The following ABCG5 variants were observed in gnomAD, a reference collection of about 807,000 sequenced individuals.
The protein encoded by ABCG5 is ATP binding cassette subfamily G member 5.
A neutral mutation model predicts 64.5 loss-of-function variants in ABCG5; 64 were observed. The observed-to-expected ratio is 0.99, with a 90% confidence interval of 0.81 to 1.22. The LOEUF is 1.22. ABCG5 is among the 50% of genes most tolerant of loss of function. The pLI is 0.00. For missense variants in ABCG5, 908 were observed against 829.5 expected (o/e 1.09, Z -1.16); for synonymous variants, 385 against 326.3 (o/e 1.18, Z -1.94).
intron 11 of ABCG5, among the ~76,000 whole-genome samples, chr2:43,816,675 C>T (rs935587641): frequency 6.6e-6 from 1 of 152,090 alleles, no homozygotes; most frequent in African/African-American, 2.4e-5. Context: ...TCCTGAGTAG[C>T]TGAAATTACA....
chr2:43,808,551 TC>T (rs1666356502), downstream of ABCG5, among the ~76,000 whole-genome samples: 1 of 152,210 alleles, frequency 6.6e-6, no homozygotes, highest in Non-Finnish European at 1.5e-5. Flanking sequence ...CCAAGAGGCA[TC>T]CCCTTAGATG....
chr2:43,826,318 C>A, intron 6 of ABCG5, 64 bp downstream of exon 6: 1 of 1,610,516 alleles, frequency 6.2e-7, no homozygotes, highest in Non-Finnish European at 8.5e-7. Flanking sequence ...AAATCTTGCC[C>A]CTGCCCCTGT....
Position 43,837,925 on chromosome 2 carries a change from T to C in ABCG5, c.174A>G (p.Thr58=), listed in dbSNP as rs755239992. 2 of 1,614,102 alleles carry C rather than the reference T, an allele frequency of 1.2e-6. No homozygotes were observed. The highest frequency in any genetic ancestry group is 2.2e-5 in the South Asian group (2 of 91,070). The change falls in exon 2 of 13, where the codon ACA becomes ACG. Residue 58 remains threonine, a synonymous_variant. Transcript: ENST00000405322. Reference sequence around the variant, plus strand: ...GCCTGGTCCACTGCTGCCGGCAAGATGTGATGTCCCACCAGGGCCTCACGC... The same window carrying C: ...GCCTGGTCCACTGCTGCCGGCAAGACGTGATGTCCCACCAGGGCCTCACGC... The part of the protein sequence containing the change: ...SHRVRPWWDI[T]SCRQQWTRQI...
chr2:43,827,535 C>T (rs4488709), intron 5 of ABCG5, among the ~76,000 whole-genome samples: 1 of 152,116 alleles, frequency 6.6e-6, no homozygotes, highest in African/African-American at 2.4e-5. Flanking sequence ...GGACTGACTA[C>T]TCTGTTTTGA....
chr2:43,833,886 G>A (rs1269985217), intron 2 of ABCG5, among the ~76,000 whole-genome samples: 4 of 151,932 alleles, frequency 2.6e-5, no homozygotes, highest in Non-Finnish European at 4.4e-5. Flanking sequence ...GTTTCACCAC[G>A]TTGGCCAGGC....
intron 2 of ABCG5, among the ~76,000 whole-genome samples, chr2:43,837,211 C>T (rs1668332559): frequency 6.6e-6 from 1 of 151,402 alleles, no homozygotes; most frequent in Admixed American, 6.6e-5. Flanking sequence ...TCTTAATCTC[C>T]TGGGCTCAAG....
chr2:43,826,185 A>G (rs527894857), intron 6 of ABCG5, among the ~76,000 whole-genome samples, 197 bp downstream of exon 6: 1 of 141,402 alleles, frequency 7.1e-6, no homozygotes, highest in African/African-American at 2.7e-5. Context: ...TTTTTTAGAG[A>G]TGGGGAGTCT....
chr2:43,838,505 G>C lies in ABCG5; in HGVS notation c.143+32C>G, dbSNP rs370315188. 1.8e-5 allele frequency: 28 copies of C among 1,576,900 alleles called. 1 individual carries two copies. The highest frequency in any genetic ancestry group is 1.5e-4 in the Admixed American group (8 of 54,924). On this transcript the variant is annotated intron_variant, in intron 1 of 12. Transcript: ENST00000405322. This position sits in a 1 kb window ranked among gnomAD's most constrained non-coding sequence, Gnocchi z 4.2. ...GTGAGCGCCGGGCCCCGCACTCCTG[G>C]GGGAGCAGCAGCAGCAAGGGCTCTG... is the stretch of plus-strand genomic sequence containing the variant.
chr2:43,824,784 C>A, intron 7 of ABCG5, 105 bp downstream of exon 7: 2 of 1,552,252 alleles, frequency 1.3e-6, no homozygotes, highest in Non-Finnish European at 1.8e-6. Flanking sequence ...AACACAAAAA[C>A]AAAAGCAAAA....
upstream of ABCG5, chr2:43,839,128 A>G (rs1323438298): frequency 1.3e-6 from 2 of 1,550,964 alleles, no homozygotes. Flanking sequence ...TGAGTGAGCA[A>G]TGGGAAGTCG....
At chr2:43,817,151 C>T (rs1217409039) in intron 11 of ABCG5, among the ~76,000 whole-genome samples, 3 of 152,182 alleles carry the variant, frequency 2.0e-5, no homozygotes, top group Admixed American at 6.5e-5. Flanking sequence ...TGCAACTAAT[C>T]TGAGAACATT....
chr2:43,833,711 G>A (rs1312770633), intron 2 of ABCG5, among the ~76,000 whole-genome samples: 3 of 151,132 alleles, frequency 2.0e-5, no homozygotes, highest in African/African-American at 7.3e-5. Context: ...TTGAGATGGA[G>A]TCTCACTCTA....
chr2:43,822,708 A>C, intron 10 of ABCG5, 89 bp downstream of exon 10: 1 of 1,585,086 alleles, frequency 6.3e-7, no homozygotes, highest in Non-Finnish European at 8.6e-7. Flanking sequence ...AGAGCAGAGA[A>C]CTTCACCCTG....
intron 2 of ABCG5, among the ~76,000 whole-genome samples, chr2:43,834,646 T>C (rs1429864011): frequency 6.6e-6 from 1 of 152,260 alleles, no homozygotes; most frequent in Non-Finnish European, 1.5e-5. Flanking sequence ...CTCATGCCTG[T>C]AATCCCAGCA....
chr2:43,816,821 C>G (rs1197899743), intron 11 of ABCG5, among the ~76,000 whole-genome samples: 2 of 152,222 alleles, frequency 1.3e-5, no homozygotes, highest in African/African-American at 4.8e-5. Context: ...AGAACTACAA[C>G]AAAATTTAAC....
At chr2:43,807,221 A>C in the ABCG5 span, among the ~76,000 whole-genome samples, 1 of 152,128 alleles carries the variant, frequency 6.6e-6, no homozygotes, top group Non-Finnish European at 1.5e-5. Flanking sequence ...GAGGATTGGT[A>C]GGAAGACCCC....
At chr2:43,829,241 C>T (rs1667820681) in intron 4 of ABCG5, among the ~76,000 whole-genome samples, 1 of 152,166 alleles carries the variant, frequency 6.6e-6, no homozygotes, top group African/African-American at 2.4e-5. Flanking sequence ...TGAACTAAAC[C>T]TGTTTCCCAC....
intron 5 of ABCG5, among the ~76,000 whole-genome samples, chr2:43,827,153 T>C (rs1178676626): frequency 1.3e-5 from 2 of 152,020 alleles, no homozygotes; most frequent in Non-Finnish European, 2.9e-5. Flanking sequence ...GGTGAAACCC[T>C]GTCTCTACTA....
chr2:43,822,943 T>G lies in ABCG5; in HGVS notation c.1325-8A>C. On this transcript the variant is annotated splice_polypyrimidine_tract_variant and splice_region_variant and intron_variant, in intron 9 of 12. Coordinates refer to ENST00000405322, the MANE Select transcript of ABCG5 (RefSeq NM_022436.3). ...CAGCTCGCAGCACGGGAACTGGGGA[T>G]GGAAGGCAGGTTTCAGAACAGTCAG... The G allele has an allele frequency of 6.2e-7, 1 of 1,613,490 alleles. No individual in the cohort carries two copies. The highest frequency in any genetic ancestry group is 8.5e-7 in the Non-Finnish European group (1 of 1,179,816).
Sources: gnomAD v4.1 joint callset for allele counts (sites outside exome capture counted in the v4.1 genomes callset) on GRCh38, gnomAD v4.1.1 for gene constraint, Gnocchi (gnomAD v3.1) non-coding constraint, MANE v1.5 for transcripts, NCBI Gene and HGNC (gene_info 2026-07-23, HGNC 2026-07-21) for gene names.